RBFOX1: variants seen among roughly 807,000 people sequenced by gnomAD.
RBFOX1 encodes RNA binding protein fox-1 homolog 1.
Under a neutral mutation model 57.7 loss-of-function variants are expected in RBFOX1, and 8 were observed. The ratio of observed to expected loss-of-function variants is 0.14; its 90% confidence interval spans 0.08 to 0.25. The LOEUF (loss-of-function observed/expected upper bound fraction) is 0.25, where lower values mean the gene tolerates loss of function less well. RBFOX1 is among the 10% of genes least tolerant of loss of function. The pLI, the probability that RBFOX1 is intolerant of heterozygous loss-of-function variation, is 1.00. For missense variants in RBFOX1, 611 were observed against 548.5 expected (o/e 1.11, Z -1.14); for synonymous variants, 326 against 222.4 (o/e 1.47, Z -4.15).
At position 6,976,611 on chromosome 16, in the gene RBFOX1, G is replaced by A. The variant is rs557384434; in HGVS notation, c.-15-75446G>A. Among the ~76,000 whole-genome samples, 19 of 150,784 alleles carry A rather than the reference G, an allele frequency of 1.3e-4. No individual in the cohort carries two copies. In the South Asian group the frequency reaches 1.9e-3, roughly 15 times the overall value. ...TTCATAGACAGAGTAGGGCGTTCCC[G>A]AAAGTAAGAGGAAGAACGCATCCAC... On this transcript the variant is annotated intron_variant, in intron 3 of 15. Coordinates refer to ENST00000550418, the MANE Select transcript of RBFOX1 (RefSeq NM_018723.4).
intron 3 of RBFOX1, among the ~76,000 whole-genome samples, chr16:7,028,389 C>T (rs2041613029): frequency 6.6e-6 from 1 of 151,898 alleles, no homozygotes; most frequent in African/African-American, 2.4e-5. Flanking sequence ...GATGCTTGAT[C>T]ATCTTGGGCT....
intron 4 of RBFOX1, among the ~76,000 whole-genome samples, chr16:7,376,875 A>G (rs1209460787): frequency 6.6e-6 from 1 of 152,034 alleles, no homozygotes; most frequent in African/African-American, 2.4e-5. Context: ...AAACTTCCCT[A>G]CCAGTGTCTG....
chr16:5,283,763 T>C (rs138962513), intron 1 of RBFOX1, among the ~76,000 whole-genome samples: 1 of 152,324 alleles, frequency 6.6e-6, no homozygotes, highest in African/African-American at 2.4e-5. Flanking sequence ...TAACTTGTTT[T>C]TGATTTTACA....
At chr16:5,708,835 A>G (rs562397702) in intron 3 of RBFOX1, among the ~76,000 whole-genome samples, 3 of 152,312 alleles carry the variant, frequency 2.0e-5, no homozygotes, top group African/African-American at 7.2e-5. Flanking sequence ...ATGGGCCACA[A>G]TTTCTAACTT....
intron 3 of RBFOX1, among the ~76,000 whole-genome samples, chr16:6,808,570 A>G (rs2087555257): frequency 6.6e-6 from 1 of 152,148 alleles, no homozygotes; most frequent in African/African-American, 2.4e-5. Context: ...GATGGGGAAT[A>G]ACTGCCAAAT....
chr16:7,399,396 G>A (rs1477432392), intron 4 of RBFOX1, among the ~76,000 whole-genome samples: 2 of 152,072 alleles, frequency 1.3e-5, no homozygotes, highest in Non-Finnish European at 2.9e-5. Flanking sequence ...GCAGTGAGCC[G>A]GGATCAGACT....
chr16:7,015,298 C>G lies in RBFOX1; in HGVS notation c.-15-36759C>G, dbSNP rs117122095. ...CTGCAAATCAGAAACTGCTCGCATT[C>G]CTGGGATTGTTCTTCTAGACTATGG... On this transcript the variant is annotated intron_variant, in intron 3 of 15. Transcript: ENST00000550418. Among the ~76,000 whole-genome samples the G allele has an allele frequency of 1.0e-2, 1,522 of 152,204 alleles. 9 individuals are homozygous for G. The highest frequency in any genetic ancestry group is 0.016 in the Non-Finnish European group (1,087 of 68,004).
chr16:5,848,927 T>G (rs2056822246), intron 3 of RBFOX1, among the ~76,000 whole-genome samples: 1 of 151,486 alleles, frequency 6.6e-6, no homozygotes, highest in African/African-American at 2.4e-5. Context: ...TCAGCCTGGG[T>G]GACAGGGAGA....
intron 3 of RBFOX1, among the ~76,000 whole-genome samples, chr16:6,897,699 A>T (rs2067288689): frequency 6.6e-6 from 1 of 150,426 alleles, no homozygotes; most frequent in Admixed American, 6.6e-5. Flanking sequence ...AGCCTGAGGC[A>T]GGACAGTTGC....
intron 3 of RBFOX1, among the ~76,000 whole-genome samples, chr16:6,966,440 G>T (rs965220433): frequency 2.0e-5 from 3 of 152,154 alleles, no homozygotes; most frequent in Non-Finnish European, 4.4e-5. Flanking sequence ...GTCCCTGGGC[G>T]AGGTGGAGGG....
chr16:5,947,825 G>A lies in RBFOX1; in HGVS notation c.351+80490G>A, dbSNP rs149353473. ...CATGGTGATAATGGAAACCTAAGTT[G>A]CTTTTTAAATTTGCTAAAAGTACCT... On this transcript the variant is annotated intron_variant, in intron 4 of 19. Transcript: ENST00000641259. This position sits in a 1 kb window ranked among gnomAD's most constrained non-coding sequence, Gnocchi z 7.2. Among the ~76,000 whole-genome samples, 130 of 152,326 alleles carry A rather than the reference G, an allele frequency of 8.5e-4. 1 individual carries two copies. Among genetic ancestry groups the A allele is most frequent in the African/African-American group, 2.8e-3 (117 of 41,570 alleles).
At chr16:5,477,283 G>C (rs1042804217) in intron 2 of RBFOX1, among the ~76,000 whole-genome samples, 1 of 152,206 alleles carries the variant, frequency 6.6e-6, no homozygotes, top group Admixed American at 6.5e-5. Context: ...CTTAGAGCTG[G>C]TTTCAGGGGA....
chr16:7,367,989 A>G (rs539811732), intron 4 of RBFOX1, among the ~76,000 whole-genome samples: 1 of 152,274 alleles, frequency 6.6e-6, no homozygotes, highest in Admixed American at 6.5e-5. Flanking sequence ...AGAGAGAGCC[A>G]GGCATGGTGT....
intron 3 of RBFOX1, among the ~76,000 whole-genome samples, chr16:6,881,010 T>C (rs2062824903): frequency 6.6e-6 from 1 of 152,072 alleles, no homozygotes; most frequent in Admixed American, 6.6e-5. Context: ...GGCTGAAAAA[T>C]ACGTGGCCCA....
chr16:6,705,314 A>G (rs929265381), intron 3 of RBFOX1: 1 of 127,866 alleles, frequency 7.8e-6, no homozygotes, highest in Non-Finnish European at 1.6e-5. Context: ...GTTACAAGGG[A>G]AGAAGTCTAG....
At chr16:6,288,847 A>G (rs1329862477) in intron 1 of RBFOX1, among the ~76,000 whole-genome samples, 1 of 152,058 alleles carries the variant, frequency 6.6e-6, no homozygotes, top group Non-Finnish European at 1.5e-5. Flanking sequence ...TGAATTGAAT[A>G]GGGTTGGAAT....
At chr16:7,307,844 A>G (rs943273111) in intron 4 of RBFOX1, among the ~76,000 whole-genome samples, 8 of 152,194 alleles carry the variant, frequency 5.3e-5, no homozygotes, top group African/African-American at 1.9e-4. Context: ...ACTGGCTTCA[A>G]TCTTGCTGTC....
intron 3 of RBFOX1, among the ~76,000 whole-genome samples, chr16:5,789,949 A>G (rs1555528071): frequency 2.0e-5 from 3 of 152,206 alleles, no homozygotes; most frequent in Admixed American, 2.0e-4. Flanking sequence ...GGTGGCTGCT[A>G]TAACAGATAG....
chr16:7,189,551 C>G (rs2084828964), intron 4 of RBFOX1, among the ~76,000 whole-genome samples: 2 of 114,688 alleles, frequency 1.7e-5, no homozygotes, highest in African/African-American at 3.7e-5. Flanking sequence ...CTATGTCCCC[C>G]AAAACACACA....
Sources: gnomAD v4.1 joint callset for allele counts (sites outside exome capture counted in the v4.1 genomes callset) on GRCh38, gnomAD v4.1.1 for gene constraint, Gnocchi (gnomAD v3.1) non-coding constraint, MANE v1.5 for transcripts, NCBI Gene and HGNC (gene_info 2026-07-23, HGNC 2026-07-21) for gene names.